The following PTPRM variants were observed in gnomAD, a reference collection of about 807,000 sequenced individuals.
PTPRM encodes the protein receptor-type tyrosine-protein phosphatase mu.
PTPRM carries 47 observed loss-of-function variants against 186.7 expected under a neutral mutation model. The ratio of observed to expected loss-of-function variants is 0.25; its 90% confidence interval spans 0.20 to 0.32. PTPRM has a LOEUF of 0.32. Ranked by LOEUF, PTPRM falls within the 10% of genes least tolerant of loss-of-function variation. PTPRM has a pLI of 1.00. For missense variants in PTPRM, 1,494 were observed against 1,865.0 expected (o/e 0.80, Z 3.66); for synonymous variants, 668 against 674.9 (o/e 0.99, Z 0.16).
At chr18:7,787,454 G>T (rs931585693) in intron 2 of PTPRM, among the ~76,000 whole-genome samples, 1 of 152,198 alleles carries the variant, frequency 6.6e-6, no homozygotes, top group African/African-American at 2.4e-5. Context: ...ACATGCTTTG[G>T]CTGGTGAGTG....
chr18:7,892,764 G>A (rs994334116), intron 3 of PTPRM, among the ~76,000 whole-genome samples: 5 of 152,160 alleles, frequency 3.3e-5, no homozygotes, highest in South Asian at 2.1e-4. Flanking sequence ...TGCCAGCATC[G>A]TCCGATTCTG....
At chr18:8,066,774 G>A (rs2089117964) in intron 7 of PTPRM, among the ~76,000 whole-genome samples, 1 of 152,174 alleles carries the variant, frequency 6.6e-6, no homozygotes, top group South Asian at 2.1e-4. Flanking sequence ...TCTGTCTCCT[G>A]TCTGATTACC....
At chr18:7,985,305 GTATATACACATAAATATATACATATAATT>G (rs2082874248) in intron 7 of PTPRM, among the ~76,000 whole-genome samples, 3 of 93,460 alleles carry the variant, frequency 3.2e-5, no homozygotes, top group Non-Finnish European at 4.3e-5. Flanking sequence ...ACATATAATA[GTATATACACATAAATATATACATATAATT>G]GTATATACAC....
intron 13 of PTPRM, among the ~76,000 whole-genome samples, chr18:8,124,901 A>G (rs2092290250): frequency 1.3e-5 from 2 of 152,132 alleles, no homozygotes; most frequent in Admixed American, 6.6e-5. Flanking sequence ...ATCCTATTTG[A>G]TGCTATACTT....
At chr18:7,703,991 G>T (rs1401656842) in intron 1 of PTPRM, among the ~76,000 whole-genome samples, 1 of 152,194 alleles carries the variant, frequency 6.6e-6, no homozygotes, top group Non-Finnish European at 1.5e-5. Context: ...ATTTACGTAT[G>T]TTGAACCAGC....
intron 2 of PTPRM, among the ~76,000 whole-genome samples, chr18:7,805,304 T>C (rs2044178355): frequency 6.6e-6 from 1 of 152,198 alleles, no homozygotes; most frequent in South Asian, 2.1e-4. Context: ...ACATCCCACG[T>C]TCACACTCTC....
rs147406586 is a variant in PTPRM, at chr18:7,832,930, G to A, written c.197-55176G>A. ...CTTTGTCAAAAATGAGTATACTGTAGGTCTGTGGATTTGTTTCTGGGTTCT... is the reference window on the plus strand; with the variant it reads ...CTTTGTCAAAAATGAGTATACTGTAAGTCTGTGGATTTGTTTCTGGGTTCT... On this transcript the variant is annotated intron_variant, in intron 2 of 32. Coordinates refer to ENST00000580170, the MANE Select transcript of PTPRM (RefSeq NM_001105244.2). Among the ~76,000 whole-genome samples the A allele has an allele frequency of 9.9e-5, 15 of 152,052 alleles. No individual in the cohort carries two copies. In the East Asian group the frequency reaches 2.3e-3, roughly 24 times the overall value.
At chr18:8,088,899 C>A in intron 11 of PTPRM, 48 bp downstream of exon 11, 4 of 1,376,048 alleles carry the variant, frequency 2.9e-6, no homozygotes, top group South Asian at 2.4e-5. Context: ...AAAACTAAAT[C>A]AAGTTGATTA....
At chr18:8,174,651 T>C (rs1190109852) in intron 14 of PTPRM, among the ~76,000 whole-genome samples, 1 of 152,142 alleles carries the variant, frequency 6.6e-6, no homozygotes, top group East Asian at 1.9e-4. Context: ...CTTATTAAAA[T>C]AAAAATATGC....
chr18:7,621,173 G>T (rs1472353536), intron 1 of PTPRM, among the ~76,000 whole-genome samples: 1 of 152,176 alleles, frequency 6.6e-6, no homozygotes, highest in Non-Finnish European at 1.5e-5. Flanking sequence ...ATATGAGGCA[G>T]TAGAGGCACA....
intron 22 of PTPRM, among the ~76,000 whole-genome samples, chr18:8,339,097 CT>C (rs2095458132): frequency 6.6e-6 from 1 of 151,922 alleles, no homozygotes; most frequent in Non-Finnish European, 1.5e-5. Flanking sequence ...AACTAGAGAA[CT>C]CATCTTATAC....
chr18:8,004,779 G>A (rs578168333), intron 7 of PTPRM, among the ~76,000 whole-genome samples: 14 of 152,270 alleles, frequency 9.2e-5, no homozygotes, highest in African/African-American at 3.4e-4. Flanking sequence ...GGGGGGCCCT[G>A]TGGCTCGTGC....
intron 1 of PTPRM, among the ~76,000 whole-genome samples, chr18:7,755,502 A>C (rs1041753107): frequency 1.3e-5 from 2 of 152,202 alleles, no homozygotes; most frequent in Admixed American, 6.5e-5. Context: ...GTGGAAGAGC[A>C]ACTGAGTTGG....
chr18:7,974,977 G>A (rs1051911438), intron 7 of PTPRM, among the ~76,000 whole-genome samples: 1 of 152,050 alleles, frequency 6.6e-6, no homozygotes, highest in Non-Finnish European at 1.5e-5. Flanking sequence ...GTTGGTTTAG[G>A]GTTGGATCAG....
chr18:7,888,066 G>A (rs199860188), intron 2 of PTPRM, 40 bp from the exon 3 acceptor site: 22 of 1,613,266 alleles, frequency 1.4e-5, no homozygotes, highest in Non-Finnish European at 1.7e-5. Flanking sequence ...CCAGAAAGTA[G>A]TGTTTCAGGG....
intron 7 of PTPRM, among the ~76,000 whole-genome samples, chr18:7,956,235 A>AT (rs562514256): frequency 4.8e-4 from 73 of 152,274 alleles, no homozygotes; most frequent in African/African-American, 1.7e-3. Context: ...GGTGTTAGTT[A>AT]ATTATTCAGA....
chr18:7,789,141 G>A (rs1378837994), intron 2 of PTPRM, among the ~76,000 whole-genome samples: 1 of 151,998 alleles, frequency 6.6e-6, no homozygotes, highest in Admixed American at 6.6e-5. Context: ...GGGCAACATA[G>A]CAAGACCTGT....
rs747648655 is a variant in PTPRM, at chr18:8,240,777, GGAGAGAGAGAGAGAGAGA to G, written c.2301-3248_2301-3231del. 7.5e-3 allele frequency among the ~76,000 whole-genome samples: 429 copies of G among 57,346 alleles called. 3 individuals carry two copies. Among genetic ancestry groups the G allele is most frequent in the African/African-American group, 0.031 (406 of 12,962 alleles). 37.6% of individuals were successfully genotyped at this position (57,346 alleles called of 152,430 possible). The stretch of plus-strand genomic sequence containing the variant: ...GCGAGGGAGGGAGGGAGAGAGAGAG[GGAGAGAGAGAGAGAGAGA>G]GAGAGAGAGAGAGAGAGAGAGAGAG... On this transcript the variant is annotated intron_variant, in intron 14 of 32. Coordinates refer to ENST00000580170, the MANE Select transcript of PTPRM (RefSeq NM_001105244.2).
rs1008806190 is a variant in PTPRM at position 7,589,490 on chromosome 18, G to A, written c.73+21599G>A. 2.0e-5 allele frequency among the ~76,000 whole-genome samples: 3 copies of A among 152,184 alleles called. 1 individual carries two copies. In the South Asian group the frequency reaches 6.2e-4, roughly 32 times the overall value. On this transcript the variant is annotated intron_variant, in intron 1 of 32. Coordinates refer to ENST00000580170, the MANE Select transcript of PTPRM (RefSeq NM_001105244.2). ...AGGAATGCTGGAGCTGGGCCCTATG[G>A]CCCAACTTTAATCTTTCTAGATAGA...
Sources: gnomAD v4.1 joint callset for allele counts (sites outside exome capture counted in the v4.1 genomes callset) on GRCh38, gnomAD v4.1.1 for gene constraint, MANE v1.5 for transcripts, NCBI Gene and HGNC (gene_info 2026-07-23, HGNC 2026-07-21) for gene names.